Variants in TTYH2 observed in about 807,000 individuals in gnomAD.
The protein encoded by TTYH2 is protein tweety homolog 2.
TTYH2 carries 49 observed loss-of-function variants against 68.3 expected under a neutral mutation model. That is an observed-to-expected ratio of 0.72 (90% CI 0.57 to 0.91). The LOEUF (loss-of-function observed/expected upper bound fraction) is 0.91. Ranked by LOEUF, TTYH2 falls within the 40% of genes least tolerant of loss-of-function variation. The pLI is 0.00. For missense variants in TTYH2, 631 were observed against 700.4 expected (o/e 0.90, Z 1.12); for synonymous variants, 272 against 300.8 (o/e 0.90, Z 0.99).
At chr17:74,248,909 GGGAGC>G in intron 6 of TTYH2, 97 bp from the exon 7 acceptor site, 1 of 1,577,038 alleles carries the variant, frequency 6.3e-7, no homozygotes. Context: ...CCACCTGGGA[GGGAGC>G]TCAAGGGGCT....
rs544493948 is a variant in TTYH2, at chr17:74,228,368, C to T, written c.303-2520C>T. 2.9e-4 allele frequency among the ~76,000 whole-genome samples: 44 copies of T among 152,218 alleles called. No individual in the cohort carries two copies. The South Asian group carries it at 5.6e-3, about 19-fold the overall frequency. On this transcript the variant is annotated intron_variant, in intron 2 of 13. Transcript: ENST00000269346. ...ACAACAGAACAAATATAAGTGTGGA[C>T]GTGTACATTCATCTCCCCCCACCCC... is the stretch of plus-strand genomic sequence containing the variant.
intron 4 of TTYH2, chr17:74,240,879 G>A (rs981663117): frequency 6.6e-6 from 1 of 152,328 alleles, no homozygotes; most frequent in Non-Finnish European, 1.5e-5. Flanking sequence ...ACAACATGAG[G>A]CGTGGAGGCA....
At chr17:74,235,271 G>T (rs1384143860) in intron 3 of TTYH2, among the ~76,000 whole-genome samples, 1 of 152,178 alleles carries the variant, frequency 6.6e-6, no homozygotes, top group Non-Finnish European at 1.5e-5. Context: ...CGGCCTTGCT[G>T]ATCTCACTGT....
Position 74,222,544 on chromosome 17 carries a change from T to C in TTYH2, c.189T>C (p.Leu63=), listed in dbSNP as rs746697445. 1.2e-6 allele frequency: 2 copies of C among 1,612,708 alleles called. No individual in the cohort carries two copies. Among genetic ancestry groups the C allele is most frequent in the Admixed American group, 1.7e-5 (1 of 60,026 alleles). Residue 63 remains leucine (L), a synonymous_variant, in exon 2 of 14, where the codon CTT becomes CTC. Transcript: ENST00000269346. The surrounding 1 kb of genome is among the most constrained non-coding windows in gnomAD (Gnocchi z 5.2). ...AVCLGLNLIF[L]VAYLVCACHC... The stretch of plus-strand genomic sequence containing the variant: ...GCCTGGGCCTGAACCTCATCTTCCT[T>C]GTGGCTTACCTGGTCTGTGCATGCC...
rs181771284 is a variant in TTYH2, at chr17:74,215,652, C to G, written c.129+1936C>G. The G allele has an allele frequency of 5.9e-6, 9 of 1,535,704 alleles. No homozygotes were observed. The highest frequency in any genetic ancestry group is 1.4e-5 in the African/African-American group (1 of 73,166). ...CTCAGATCGCTGAGTAGGAGATGAG[C>G]GTGGTGGGCCAGGACCGGAAGTCTG... On this transcript the variant is annotated intron_variant, in intron 1 of 13. Coordinates refer to ENST00000269346, the MANE Select transcript of TTYH2 (RefSeq NM_032646.6). This position sits in a 1 kb window ranked among gnomAD's most constrained non-coding sequence, Gnocchi z 4.3.
intron 13 of TTYH2, chr17:74,257,090 G>A (rs1166036358): frequency 6.6e-6 from 1 of 152,210 alleles, no homozygotes; most frequent in African/African-American, 2.4e-5. Flanking sequence ...ACGTAATTAG[G>A]GGAAATCTGC....
intron 11 of TTYH2, 139 bp downstream of exon 11, chr17:74,252,515 A>C: frequency 9.0e-7 from 1 of 1,112,490 alleles, no homozygotes; most frequent in Non-Finnish European, 1.2e-6. Context: ...TCAGCCCAAC[A>C]GGCTGGCTGA....
intron 8 of TTYH2, 145 bp downstream of exon 8, chr17:74,249,544 C>T (rs879674290): frequency 2.4e-5 from 21 of 876,600 alleles, no homozygotes; most frequent in African/African-American, 8.3e-5. Context: ...GTGAGGGGGG[C>T]GTGCTTTTGG....
intron 9 of TTYH2, 35 bp downstream of exon 9, chr17:74,250,063 A>C: frequency 3.1e-6 from 5 of 1,608,854 alleles, no homozygotes; most frequent in Non-Finnish European, 4.3e-6. Flanking sequence ...GGAGCCCCAG[A>C]TGAACCCTGA....
At chr17:74,233,887 CA>C (rs1307735935) in intron 3 of TTYH2, among the ~76,000 whole-genome samples, 1 of 152,120 alleles carries the variant, frequency 6.6e-6, no homozygotes, top group Non-Finnish European at 1.5e-5. Flanking sequence ...GGCTGATGGG[CA>C]GCCCTCAGAT....
chr17:74,258,612 T>C (rs926936669), intron 13 of TTYH2, among the ~76,000 whole-genome samples: 2 of 151,964 alleles, frequency 1.3e-5, no homozygotes, highest in African/African-American at 2.4e-5. Flanking sequence ...CTGCTGCTGC[T>C]GCCCTGGAAA....
In TTYH2 at chr17:74,260,964, G is replaced by A. The variant is rs142567418; in HGVS notation, c.*755G>A. ...ATCAATGCTGCAGAATGTGTTAGCT[G>A]CAGATAGGCATGGTCTCAGGTATGA... On this transcript the variant is annotated 3_prime_UTR_variant, in exon 14 of 14. Transcript: ENST00000269346. 252 of 152,880 alleles carry A rather than the reference G, an allele frequency of 1.6e-3. No individual in the cohort carries two copies. Among genetic ancestry groups the A allele is most frequent in the South Asian group, 8.3e-3 (40 of 4,828 alleles). The allele number at this position is 152,880 out of a possible 1,614,324, so 9.5% of individuals were successfully genotyped here. A position where few individuals can be genotyped will look rare whatever the true frequency, so the allele number is the denominator to read the frequency against.
chr17:74,218,267 C>G (rs2050240685), intron 1 of TTYH2, among the ~76,000 whole-genome samples: 1 of 152,086 alleles, frequency 6.6e-6, no homozygotes. Context: ...TCTTCCCTTC[C>G]CAATTCCTTT....
chr17:74,216,293 T>C (rs1217011878), intron 1 of TTYH2, among the ~76,000 whole-genome samples: 6 of 152,138 alleles, frequency 3.9e-5, no homozygotes, highest in Non-Finnish European at 8.8e-5. Flanking sequence ...ATGCCCCACA[T>C]GTTCAAATGC....
At chr17:74,216,958 C>T (rs2050226986) in intron 1 of TTYH2, among the ~76,000 whole-genome samples, 1 of 152,238 alleles carries the variant, frequency 6.6e-6, no homozygotes, top group South Asian at 2.1e-4. Context: ...ACAATCACTG[C>T]TTAGGAAGGA....
In TTYH2 at chr17:74,230,899, G is replaced by T; in HGVS notation, c.314G>T (p.Gly105Val). Residue 105 changes from glycine to valine, a missense_variant, in exon 3 of 14, where the codon GGC becomes GTC. Gly to Val is a moderately radical substitution (Grantham distance 109). Transcript: ENST00000269346. ...GATCTTGCTTATAGTGCTGCGGTGG[G>T]CGTTGGTTTCTATGGAAACAGCGAG... Reference protein sequence around the residue: ...VAGLICCAAVGVGFYGNSETN... With the variant: ...VAGLICCAAVVVGFYGNSETN... 6.2e-7 allele frequency: 1 copy of T among 1,614,024 alleles called. No homozygotes were observed. The highest frequency in any genetic ancestry group is 8.5e-7 in the Non-Finnish European group (1 of 1,179,978).
chr17:74,240,160 A>T (rs1234055375), intron 4 of TTYH2, among the ~76,000 whole-genome samples: 1 of 152,212 alleles, frequency 6.6e-6, no homozygotes, highest in Non-Finnish European at 1.5e-5. Flanking sequence ...GGGTTGAGGC[A>T]GAAGAGGTTT....
intron 13 of TTYH2, among the ~76,000 whole-genome samples, chr17:74,257,397 G>A (rs375700284): frequency 1.3e-5 from 2 of 152,180 alleles, no homozygotes; most frequent in Admixed American, 6.5e-5. Flanking sequence ...TAATGATGCC[G>A]CAGACCAAGG....
At chr17:74,226,666 C>T (rs940028948) in intron 2 of TTYH2, among the ~76,000 whole-genome samples, 7 of 151,990 alleles carry the variant, frequency 4.6e-5, no homozygotes, top group Non-Finnish European at 8.8e-5. Flanking sequence ...CACCTGAAAG[C>T]GGGGGATTGA....
Sources: allele counts gnomAD v4.1 joint callset (sites outside exome capture counted in the v4.1 genomes callset), GRCh38; gene constraint gnomAD v4.1.1; non-coding constraint Gnocchi (gnomAD v3.1); transcripts MANE v1.5; gene names NCBI Gene and HGNC (gene_info 2026-07-23, HGNC 2026-07-21).